IGSF11: variants seen among roughly 807,000 people sequenced by gnomAD.
IGSF11 encodes the protein CXADR like 1.
In IGSF11, 22 loss-of-function variants were observed where a neutral mutation model predicts 41.0. That is an observed-to-expected ratio of 0.54 (90% confidence interval 0.38 to 0.77). IGSF11 has a LOEUF of 0.77. Ranked by LOEUF, IGSF11 falls within the 30% of genes least tolerant of loss-of-function variation. The pLI is 0.00. For missense variants in IGSF11, 444 were observed against 530.8 expected (o/e 0.84, Z 1.61); for synonymous variants, 219 against 201.3 (o/e 1.09, Z -0.74).
In IGSF11 at chr3:118,902,887, G is replaced by A; in HGVS notation, c.929C>T (p.Thr310Ile). 2 of 1,614,176 alleles carry A rather than the reference G, an allele frequency of 1.2e-6. No individual in the cohort carries two copies. Among genetic ancestry groups the A allele is most frequent in the Non-Finnish European group, 1.7e-6 (2 of 1,179,980 alleles). Residue 310 changes from threonine (T) to isoleucine (I), a missense_variant, in exon 7 of 7, where the codon ACA (threonine) becomes ATA (isoleucine). Coordinates refer to ENST00000393775, the MANE Select transcript of IGSF11 (RefSeq NM_001015887.3). The stretch of plus-strand genomic sequence containing the variant: ...GTTGTAGGCATTGGAAGAGGTTAGT[G>A]TGTTGTTGTCCGAGGAGGAAATCTC... ...HTEISSSDNN[T>I]LTSSNAYNSR... is the part of the protein sequence containing the mutation.
intron 1 of IGSF11, among the ~76,000 whole-genome samples, chr3:119,142,046 A>C (rs1236418153): frequency 1.3e-5 from 2 of 151,984 alleles, no homozygotes; most frequent in Non-Finnish European, 2.9e-5. Flanking sequence ...GAGGCCGAGG[A>C]GGACGGATCA....
At chr3:119,095,775 G>T (rs182167098) in intron 1 of IGSF11, among the ~76,000 whole-genome samples, 1 of 152,184 alleles carries the variant, frequency 6.6e-6, no homozygotes, top group African/African-American at 2.4e-5. Context: ...CACTTTCACA[G>T]TTAGCAAGCC....
chr3:119,077,382 C>T (rs1299539358), intron 1 of IGSF11, among the ~76,000 whole-genome samples: 2 of 151,960 alleles, frequency 1.3e-5, no homozygotes, highest in African/African-American at 2.4e-5. Flanking sequence ...CAAACCTACA[C>T]GTTGTGCACA....
chr3:119,074,380 C>T (rs990445893), intron 1 of IGSF11, among the ~76,000 whole-genome samples: 7 of 151,958 alleles, frequency 4.6e-5, no homozygotes, highest in African/African-American at 7.3e-5. Flanking sequence ...CATATGATTA[C>T]GTGGAAATTA....
intron 1 of IGSF11, chr3:119,012,649 A>G (rs1938262276): frequency 2.6e-5 from 4 of 152,186 alleles, no homozygotes. Flanking sequence ...TTTTCCCTTC[A>G]TACATTTCCC....
chr3:119,000,948 C>T (rs1936761190), intron 1 of IGSF11, among the ~76,000 whole-genome samples: 1 of 152,172 alleles, frequency 6.6e-6, no homozygotes, highest in African/African-American at 2.4e-5. Context: ...TCTGTGCTGT[C>T]TGCTCTTTCA....
intron 1 of IGSF11, among the ~76,000 whole-genome samples, chr3:119,008,237 C>T (rs1047804293): frequency 6.6e-6 from 1 of 151,846 alleles, no homozygotes; most frequent in African/African-American, 2.4e-5. Context: ...GAAAAAGCCA[C>T]ATTTGTCTAA....
At chr3:118,911,630 T>C (rs1291613635) in intron 4 of IGSF11, among the ~76,000 whole-genome samples, 1 of 151,302 alleles carries the variant, frequency 6.6e-6, no homozygotes, top group Non-Finnish European at 1.5e-5. Context: ...AGCAAGACTT[T>C]GTCTCTAAAA....
chr3:118,910,264 C>T (rs746702285), intron 4 of IGSF11, among the ~76,000 whole-genome samples: 2 of 152,212 alleles, frequency 1.3e-5, no homozygotes, highest in African/African-American at 2.4e-5. Context: ...AGACCACTAA[C>T]TCACTGCTTT....
chr3:119,112,347 A>G (rs1053320786), intron 1 of IGSF11, among the ~76,000 whole-genome samples: 1 of 151,848 alleles, frequency 6.6e-6, no homozygotes, highest in South Asian at 2.1e-4. Flanking sequence ...TTGATCTCAG[A>G]GTGTTGTGCT....
At chr3:119,072,788 G>T (rs2076421758) in intron 1 of IGSF11, among the ~76,000 whole-genome samples, 1 of 152,170 alleles carries the variant, frequency 6.6e-6, no homozygotes. Context: ...AAGAGCAAAA[G>T]AACAAAGCTT....
intron 1 of IGSF11, among the ~76,000 whole-genome samples, chr3:118,990,031 A>G (rs1935637784): frequency 6.6e-6 from 1 of 152,218 alleles, no homozygotes; most frequent in Non-Finnish European, 1.5e-5. Context: ...TTTTATAAAA[A>G]TAAACTTTGA....
chr3:119,038,306 C>T (rs542547720), upstream of IGSF11, among the ~76,000 whole-genome samples: 26 of 152,262 alleles, frequency 1.7e-4, no homozygotes, highest in South Asian at 1.5e-3. Flanking sequence ...TAACTCATAA[C>T]GTAGATATAT....
At chr3:119,031,845 A>G (rs1291064391) in intron 1 of IGSF11, among the ~76,000 whole-genome samples, 2 of 152,248 alleles carry the variant, frequency 1.3e-5, no homozygotes, top group African/African-American at 4.8e-5. Context: ...TAATAATGGT[A>G]ACACTGAAAA....
At chr3:118,958,766 C>T (rs1945130983) in intron 1 of IGSF11, among the ~76,000 whole-genome samples, 2 of 152,164 alleles carry the variant, frequency 1.3e-5, no homozygotes, top group South Asian at 4.1e-4. Context: ...AATAGATGTT[C>T]TTCAACACTT....
At chr3:118,923,067 G>A (rs1049759286) in intron 4 of IGSF11, among the ~76,000 whole-genome samples, 3 of 152,084 alleles carry the variant, frequency 2.0e-5, no homozygotes, top group Non-Finnish European at 4.4e-5. Context: ...GCTGCTTTCC[G>A]GGTTCTCTCA....
intron 4 of IGSF11, among the ~76,000 whole-genome samples, chr3:118,918,955 C>T (rs1303238365): frequency 1.1e-3 from 109 of 98,044 alleles, no homozygotes; most frequent in East Asian, 5.1e-3. Context: ...AATAACGCCG[C>T]ATACCTACAA....
At chr3:119,059,842 C>G (rs914358203) in intron 1 of IGSF11, among the ~76,000 whole-genome samples, 1 of 151,888 alleles carries the variant, frequency 6.6e-6, no homozygotes, top group African/African-American at 2.4e-5. Context: ...AACTGGAGAG[C>G]CTCATATTTG....
chr3:119,135,225 A>G (rs2077543544), intron 1 of IGSF11, among the ~76,000 whole-genome samples: 1 of 152,196 alleles, frequency 6.6e-6, no homozygotes, highest in African/African-American at 2.4e-5. Flanking sequence ...ATCTAATTAA[A>G]CTAAAGAGCT....
Sources: allele counts gnomAD v4.1 joint callset (sites outside exome capture counted in the v4.1 genomes callset), GRCh38; gene constraint gnomAD v4.1.1; transcripts MANE v1.5; gene names NCBI Gene and HGNC (gene_info 2026-07-23, HGNC 2026-07-21).